The following RBFA variants were observed in gnomAD, a reference collection of about 807,000 sequenced individuals.
RBFA encodes putative ribosome-binding factor A, mitochondrial.
In RBFA, 16 loss-of-function variants were observed where a neutral mutation model predicts 27.9. The ratio of observed to expected loss-of-function variants is 0.57; its 90% confidence interval spans 0.39 to 0.87. RBFA has a LOEUF of 0.87. Ranked by LOEUF, RBFA falls within the 40% of genes least tolerant of loss-of-function variation. The pLI is 0.00. For missense variants in RBFA, 456 were observed against 432.1 expected (o/e 1.06, Z -0.49); for synonymous variants, 181 against 181.0 (o/e 1.00, Z 0.00).
rs2052082463 is a variant in RBFA, at chr18:80,049,587, C to T, written c.*3432C>T. On this transcript the variant is annotated 3_prime_UTR_variant, in exon 7 of 7. Coordinates refer to ENST00000306735, the MANE Select transcript of RBFA (RefSeq NM_024805.3). ...CAGGTTTTCAGTCTGATAAGCTCTC[C>T]TGTGTCACTGTCCCTTACCTTGTTA... Among the ~76,000 whole-genome samples the T allele has an allele frequency of 6.6e-6, 1 of 152,232 alleles. No homozygotes were observed. The highest frequency in any genetic ancestry group is 2.4e-5 in the African/African-American group (1 of 41,462).
chr18:80,043,718 G>T (rs1437403504), intron 5 of RBFA, among the ~76,000 whole-genome samples: 1 of 152,204 alleles, frequency 6.6e-6, no homozygotes. Flanking sequence ...CCATTGCCAT[G>T]GTGTGGGTGG....
chr18:80,042,139 CT>C lies in RBFA; in HGVS notation c.500del (p.Leu167Ter). On this transcript the variant is annotated frameshift_variant, in exon 5 of 7. Transcript: ENST00000306735. LOFTEE classifies it high-confidence loss of function. Reference protein sequence around the residue: ...LQRSAAHMRHLLMSQQTLRNV... With the variant: ...LQRSAAHMRHXLMSQQTLRNV... ...TCTGTGCGTTCTGTCTCCTAGGCAC[CT>C]TTTGATGTCCCAGCAGACCCTGAGG... 3 of 1,608,342 alleles carry C rather than the reference CT, an allele frequency of 1.9e-6. No homozygotes were observed. The highest frequency in any genetic ancestry group is 1.7e-5 in the Admixed American group (1 of 59,532).
At chr18:80,045,449 A>G (rs535990755) in intron 6 of RBFA, among the ~76,000 whole-genome samples, 18 of 151,614 alleles carry the variant, frequency 1.2e-4, no homozygotes, top group African/African-American at 4.4e-4. Context: ...CTGGTCTTGC[A>G]CTCCTGACCT....
rs1233881552 is a variant in RBFA at position 80,046,102 on chromosome 18, A to G, written c.979A>G (p.Arg327Gly). The change falls in exon 7 of 7, where the codon AGA becomes GGA. Residue 327 changes from arginine to glycine, a missense_variant. Transcript: ENST00000306735. ...APDTEELEAE[R>G]GGGRTEDGHS... ...GGACACAGAGGAGTTGGAGGCAGAG[A>G]GAGGAGGTGGCAGAACAGAGGATGG... 2 of 1,614,018 alleles carry G rather than the reference A, an allele frequency of 1.2e-6. No individual in the cohort carries two copies. The highest frequency in any genetic ancestry group is 1.7e-6 in the Non-Finnish European group (2 of 1,180,042).
Position 80,036,717 on chromosome 18 carries a change from A to G in RBFA, c.201+7A>G, listed in dbSNP as rs760667075. 3 of 1,607,678 alleles carry G rather than the reference A, an allele frequency of 1.9e-6. No homozygotes were observed. Among genetic ancestry groups the G allele is most frequent in the African/African-American group, 1.3e-5 (1 of 74,938 alleles). ...TTCCTTGGGTTCTCACTCGGTGAGTATAAGCCATGAGCCACTTTATAATCT... is the reference window on the plus strand; with the variant it reads ...TTCCTTGGGTTCTCACTCGGTGAGTGTAAGCCATGAGCCACTTTATAATCT... On this transcript the variant is annotated splice_region_variant and intron_variant, in intron 2 of 6. Transcript: ENST00000306735.
rs571833672 is a variant in RBFA, at chr18:80,043,745, C to T, written c.577-467C>T. On this transcript the variant is annotated intron_variant, in intron 5 of 6. Coordinates refer to ENST00000306735, the MANE Select transcript of RBFA (RefSeq NM_024805.3). ...TGTGGGTGGCATCCCATGAGCCTGG[C>T]TGAGGAGCAGTTTTCTTTTGTAGTT... is the stretch of plus-strand genomic sequence containing the variant. Among the ~76,000 whole-genome samples, 20 of 152,324 alleles carry T rather than the reference C, an allele frequency of 1.3e-4. No homozygotes were observed. The South Asian group carries it at 4.1e-3, about 32-fold the overall frequency.
At chr18:80,043,549 T>G (rs950935316) in intron 5 of RBFA, among the ~76,000 whole-genome samples, 1 of 152,212 alleles carries the variant, frequency 6.6e-6, no homozygotes, top group Non-Finnish European at 1.5e-5. Flanking sequence ...GGCTCCTGTC[T>G]CTGGGGAGGG....
chr18:80,038,487 G>A lies in RBFA; in HGVS notation c.379-18G>A. The A allele has an allele frequency of 6.4e-7, 1 of 1,563,820 alleles. No homozygotes were observed. The highest frequency in any genetic ancestry group is 1.1e-5 in the South Asian group (1 of 88,530). ...CCATGTAAGCTAAAAAGTGACCTGT[G>A]GAGGGGCGGGGTCTCAGGTTTCCCT... On this transcript the variant is annotated intron_variant, in intron 3 of 6. Coordinates refer to ENST00000306735, the MANE Select transcript of RBFA (RefSeq NM_024805.3).
In RBFA at chr18:80,037,449, G is replaced by C; in HGVS notation, c.321G>C (p.Leu107=). Residue 107 remains leucine (L), a synonymous_variant, in exon 3 of 7, where the codon CTG becomes CTC. Coordinates refer to ENST00000306735, the MANE Select transcript of RBFA (RefSeq NM_024805.3). ...TCCTCTATAAGGCACTGACAGACCT[G>C]CTGTGTACCCCTGAAGTGAGTCAGG... is the stretch of plus-strand genomic sequence containing the variant. ...NGLLYKALTD[L]LCTPEVSQEL... 6.2e-7 allele frequency: 1 copy of C among 1,614,162 alleles called. No homozygotes were observed. Among genetic ancestry groups the C allele is most frequent in the Non-Finnish European group, 8.5e-7 (1 of 1,180,010 alleles).
chr18:80,038,194 G>A (rs984020536), intron 3 of RBFA, among the ~76,000 whole-genome samples: 1 of 152,180 alleles, frequency 6.6e-6, no homozygotes, highest in Non-Finnish European at 1.5e-5. Flanking sequence ...AGGCAGCATC[G>A]AGCATTTTTG....
rs2052081069 is a variant in RBFA, at chr18:80,049,365, C to T, written c.*3210C>T. Among the ~76,000 whole-genome samples the T allele has an allele frequency of 6.6e-6, 1 of 152,088 alleles. No homozygotes were observed. The highest frequency in any genetic ancestry group is 2.1e-4 in the South Asian group (1 of 4,832). ...GCTCACGCCCTTCTGAATGGGTCCA[C>T]TCCCGGGGATTTCCATGGCCTTCCC... On this transcript the variant is annotated 3_prime_UTR_variant, in exon 7 of 7. Transcript: ENST00000306735.
At chr18:80,043,462 C>T (rs2052029975) in intron 5 of RBFA, among the ~76,000 whole-genome samples, 1 of 152,200 alleles carries the variant, frequency 6.6e-6, no homozygotes, top group Non-Finnish European at 1.5e-5. Context: ...CAGGTCATGG[C>T]AGTGTGCTGT....
chr18:80,034,800 C>G, intron 1 of RBFA, 147 bp downstream of exon 1: 1 of 928,702 alleles, frequency 1.1e-6, no homozygotes, highest in East Asian at 3.2e-5. Context: ...AGTTCTAGCT[C>G]TCACTGTCAG....
At chr18:80,042,873 G>T (rs2052026010) in intron 5 of RBFA, among the ~76,000 whole-genome samples, 2 of 152,000 alleles carry the variant, frequency 1.3e-5, no homozygotes, top group Admixed American at 1.3e-4. Context: ...CCTGTTCCCA[G>T]CCAGGTCCCC....
At chr18:80,045,480 C>T (rs1276055327) in intron 6 of RBFA, among the ~76,000 whole-genome samples, 1 of 152,162 alleles carries the variant, frequency 6.6e-6, no homozygotes, top group East Asian at 1.9e-4. Context: ...CCGCCTCAGC[C>T]TCGCACAGTG....
At chr18:80,043,055 G>C (rs1428496331) in intron 5 of RBFA, among the ~76,000 whole-genome samples, 2 of 152,104 alleles carry the variant, frequency 1.3e-5, no homozygotes, top group African/African-American at 2.4e-5. Flanking sequence ...ATGAGACTTA[G>C]GTCTGTCCTG....
In RBFA at chr18:80,049,232, G is replaced by A. The variant is rs182978943; in HGVS notation, c.*3077G>A. ...TGGGTCCACTCCTGGGGATTTCCGC[G>A]GCCTTCCCTGGGAGCGGGTTAGGGA... On this transcript the variant is annotated 3_prime_UTR_variant, in exon 7 of 7. Coordinates refer to ENST00000306735, the MANE Select transcript of RBFA (RefSeq NM_024805.3). Among the ~76,000 whole-genome samples, 9 of 152,116 alleles carry A rather than the reference G, an allele frequency of 5.9e-5. No homozygotes were observed. The highest frequency in any genetic ancestry group is 2.1e-4 in the South Asian group (1 of 4,814).
At position 80,047,844 on chromosome 18, in the gene RBFA, CTG is replaced by C. The variant is rs938143350; in HGVS notation, c.*1692_*1693del. 1.4e-4 allele frequency among the ~76,000 whole-genome samples: 21 copies of C among 152,272 alleles called. No homozygotes were observed. Among genetic ancestry groups the C allele is most frequent in the African/African-American group, 4.8e-4 (20 of 41,530 alleles). On this transcript the variant is annotated 3_prime_UTR_variant, in exon 7 of 7. Coordinates refer to ENST00000306735, the MANE Select transcript of RBFA (RefSeq NM_024805.3). ...GTGTCCAGTGAAGGGGTGTACATGTCTGTGGTTAATCATATAGGTCAGGATAA... is the reference window on the plus strand; with the variant it reads ...GTGTCCAGTGAAGGGGTGTACATGTCTGGTTAATCATATAGGTCAGGATAA...
intron 6 of RBFA, 88 bp from the exon 7 acceptor site, chr18:80,045,686 A>G: frequency 7.1e-6 from 10 of 1,402,116 alleles, no homozygotes; most frequent in Non-Finnish European, 9.5e-6. Flanking sequence ...AGATGTAGGA[A>G]GTGTGATGTG....
Sources: allele counts gnomAD v4.1 joint callset (sites outside exome capture counted in the v4.1 genomes callset), GRCh38; gene constraint gnomAD v4.1.1; transcripts MANE v1.5; gene names NCBI Gene and HGNC (gene_info 2026-07-23, HGNC 2026-07-21).